Variants in PCMT1 observed in about 807,000 individuals in gnomAD.
The protein encoded by PCMT1 is protein-L-isoaspartate(D-aspartate) O-methyltransferase.
PCMT1 carries 9 observed loss-of-function variants against 29.2 expected under a neutral mutation model. The observed-to-expected ratio is 0.31, with a 90% CI of 0.19 to 0.54. The LOEUF is 0.54. Ranked by LOEUF, PCMT1 falls within the 20% of genes least tolerant of loss-of-function variation. The pLI, the probability that PCMT1 is intolerant of heterozygous loss-of-function variation, is 0.95. For synonymous variants in PCMT1, 98 were observed against 97.5 expected (o/e 1.00, Z -0.03); for missense variants, 184 against 282.2 (o/e 0.65, Z 2.49).
At chr6:149,790,487 A>C (rs1788314183) in intron 4 of PCMT1, among the ~76,000 whole-genome samples, 1 of 151,970 alleles carries the variant, frequency 6.6e-6, no homozygotes, top group South Asian at 2.1e-4. Context: ...ATTTGGCAGA[A>C]AAGAATAGAA....
chr6:149,763,997 A>G (rs117243801), intron 1 of PCMT1, among the ~76,000 whole-genome samples: 2,145 of 152,332 alleles, frequency 0.014, 20 homozygotes, highest in Non-Finnish European at 0.021. Flanking sequence ...AAGAACCACA[A>G]TAATGGAACT....
intron 6 of PCMT1, among the ~76,000 whole-genome samples, chr6:149,799,805 G>A (rs1436044124): frequency 1.3e-5 from 2 of 152,150 alleles, no homozygotes; most frequent in Non-Finnish European, 2.9e-5. Context: ...CTCAGATTTG[G>A]AGCAAGAGGA....
At chr6:149,777,876 CT>C (rs57484963) in intron 3 of PCMT1, among the ~76,000 whole-genome samples, 52,376 of 110,950 alleles carry the variant, frequency 0.47, 13,056 homozygotes, top group East Asian at 0.8. Flanking sequence ...TTCTTTTCTT[CT>C]TTTTTTTTTT....
intron 1 of PCMT1, among the ~76,000 whole-genome samples, chr6:149,757,426 T>C (rs776135236): frequency 2.0e-5 from 3 of 152,190 alleles, no homozygotes; most frequent in Non-Finnish European, 2.9e-5. Context: ...TATTTAGCTT[T>C]GGTTAAATGC....
intron 3 of PCMT1, among the ~76,000 whole-genome samples, chr6:149,777,151 A>G (rs1787603012): frequency 6.6e-6 from 1 of 152,224 alleles, no homozygotes; most frequent in Non-Finnish European, 1.5e-5. Flanking sequence ...TGCATTTAAT[A>G]TACTTAGCCT....
chr6:149,784,839 A>G (rs1330094568), intron 3 of PCMT1, among the ~76,000 whole-genome samples: 2 of 152,262 alleles, frequency 1.3e-5, no homozygotes, highest in Admixed American at 6.5e-5. Flanking sequence ...TGGATACTTT[A>G]TTATAAATCT....
intron 1 of PCMT1, among the ~76,000 whole-genome samples, chr6:149,762,627 G>T (rs1395814797): frequency 2.9e-4 from 2 of 6,992 alleles, no homozygotes; most frequent in Non-Finnish European, 3.6e-4. Context: ...ATATATCTAT[G>T]ATATATATAT....
intron 3 of PCMT1, among the ~76,000 whole-genome samples, chr6:149,789,319 A>G (rs185774225): frequency 3.7e-4 from 56 of 151,816 alleles, no homozygotes; most frequent in African/African-American, 1.3e-3. Flanking sequence ...CTCGTGATCT[A>G]CCTGCCTCAG....
chr6:149,781,312 C>T (rs866929082), intron 3 of PCMT1, among the ~76,000 whole-genome samples: 6 of 151,344 alleles, frequency 4.0e-5, no homozygotes, highest in Middle Eastern at 3.2e-3. Flanking sequence ...CTGCAACCTC[C>T]GCCTCCCAGG....
At chr6:149,750,020 T>A (rs1316887375) in intron 1 of PCMT1, 64 bp downstream of exon 1, 4 of 1,530,952 alleles carry the variant, frequency 2.6e-6, no homozygotes, top group Non-Finnish European at 3.5e-6. Flanking sequence ...CGGGTCCCCC[T>A]GGGCCGTCCG....
rs981392147 is a variant in PCMT1 at position 149,749,757 on chromosome 6, C to G, written c.-145C>G. On this transcript the variant is annotated 5_prime_UTR_variant, in exon 1 of 8. Coordinates refer to ENST00000464889, the MANE Select transcript of PCMT1 (RefSeq NM_001360452.2). Reference sequence around the variant, plus strand: ...CGGGAGCGCGCAGTGGCGGCAGCGGCGGCGACGGCAGTAACAGCGGCAGCT... The same window carrying G: ...CGGGAGCGCGCAGTGGCGGCAGCGGGGGCGACGGCAGTAACAGCGGCAGCT... 17 of 1,546,304 alleles carry G rather than the reference C, an allele frequency of 1.1e-5. No individual in the cohort carries two copies. Among genetic ancestry groups the G allele is most frequent in the South Asian group, 4.8e-5 (4 of 83,896 alleles).
chr6:149,782,183 A>G (rs9322218), intron 3 of PCMT1, among the ~76,000 whole-genome samples: 74,687 of 151,996 alleles, frequency 0.49, 20,179 homozygotes, highest in East Asian at 0.83. Flanking sequence ...ATGAATGTTT[A>G]TATATATGCA....
At chr6:149,779,596 G>A (rs1376074287) in intron 3 of PCMT1, among the ~76,000 whole-genome samples, 1 of 152,140 alleles carries the variant, frequency 6.6e-6, no homozygotes, top group Non-Finnish European at 1.5e-5. Context: ...GGTCACCTGA[G>A]GTCAGGAGTT....
At chr6:149,779,664 G>T (rs752538285) in intron 3 of PCMT1, among the ~76,000 whole-genome samples, 1 of 151,974 alleles carries the variant, frequency 6.6e-6, no homozygotes, top group African/African-American at 2.4e-5. Flanking sequence ...ACAAAAATTA[G>T]CCACGTGTGG....
intron 6 of PCMT1, among the ~76,000 whole-genome samples, chr6:149,798,833 T>G (rs192822697): frequency 7.2e-5 from 11 of 152,236 alleles, no homozygotes; most frequent in South Asian, 2.1e-4. Flanking sequence ...AAATCATAGG[T>G]AAAACATGGG....
intron 1 of PCMT1, among the ~76,000 whole-genome samples, chr6:149,753,624 C>A (rs1786414308): frequency 6.6e-6 from 1 of 152,214 alleles, no homozygotes; most frequent in Non-Finnish European, 1.5e-5. Context: ...ATCCACCACA[C>A]CTGGCCAATA....
chr6:149,785,662 G>C (rs867143492), intron 3 of PCMT1, among the ~76,000 whole-genome samples: 3 of 152,060 alleles, frequency 2.0e-5, no homozygotes, highest in East Asian at 1.9e-4. Flanking sequence ...ATCTTGCACC[G>C]CCCTTAATCC....
intron 1 of PCMT1, among the ~76,000 whole-genome samples, chr6:149,759,033 T>C (rs1786635672): frequency 6.6e-6 from 1 of 152,084 alleles, no homozygotes; most frequent in African/African-American, 2.4e-5. Flanking sequence ...CATGCCACCA[T>C]GCCCAGCTAG....
chr6:149,805,799 G>A (rs932178125), intron 7 of PCMT1, among the ~76,000 whole-genome samples: 3 of 151,698 alleles, frequency 2.0e-5, no homozygotes, highest in Non-Finnish European at 4.4e-5. Context: ...AAATTAGCTG[G>A]GCGTGGTGGC....
Sources: gnomAD v4.1 joint callset for allele counts (sites outside exome capture counted in the v4.1 genomes callset) on GRCh38, gnomAD v4.1.1 for gene constraint, MANE v1.5 for transcripts, NCBI Gene and HGNC (gene_info 2026-07-23, HGNC 2026-07-21) for gene names.